MCTP1: variants seen among roughly 807,000 people sequenced by gnomAD.
MCTP1 encodes the protein multiple C2 and transmembrane domain containing 1, also known as multiple C2 and transmembrane domain-containing protein 1.
In MCTP1, 69 loss-of-function variants were observed where a neutral mutation model predicts 120.6. That is an observed-to-expected ratio of 0.57 (90% CI 0.47 to 0.70). The LOEUF (loss-of-function observed/expected upper bound fraction) is 0.70, where lower values mean the gene tolerates loss of function less well. Ranked by LOEUF, MCTP1 falls within the 30% of genes least tolerant of loss-of-function variation. MCTP1 has a pLI of 0.00. For synonymous variants in MCTP1, 529 were observed against 493.1 expected, an observed-to-expected ratio of 1.07 and a Z score of -0.96; for missense variants, 1,203 against 1,248.8, an observed-to-expected ratio of 0.96 and a Z score of 0.55.
At chr5:95,038,174 C>T (rs1057043777) in intron 1 of MCTP1, 2 of 954,062 alleles carry the variant, frequency 2.1e-6, no homozygotes, top group Middle Eastern at 5.4e-4. Context: ...GCAAGTTATT[C>T]CTTCCAGGTA....
rs766976181 is a variant in MCTP1 at position 94,894,615 on chromosome 5, T to A, written c.1839+34A>T. The A allele has an allele frequency of 8.2e-6, 12 of 1,469,414 alleles. No individual in the cohort carries two copies. The African/African-American group carries it at 1.2e-4, about 15-fold the overall frequency. 91.0% of individuals were successfully genotyped at this position (1,469,414 alleles called of 1,614,324 possible). Reference sequence around the variant, plus strand: ...TTGTTTACAACCTGATCTAGTCACATGTGTCTCTGGAAGGAGGAGGGTTAC... The same window carrying A: ...TTGTTTACAACCTGATCTAGTCACAAGTGTCTCTGGAAGGAGGAGGGTTAC... On this transcript the variant is annotated intron_variant, in intron 11 of 22. Transcript: ENST00000515393.
intron 1 of MCTP1, among the ~76,000 whole-genome samples, chr5:95,204,626 C>A (rs1228189623): frequency 6.6e-6 from 1 of 151,996 alleles, no homozygotes; most frequent in Non-Finnish European, 1.5e-5. Context: ...ATAGAAAACC[C>A]TAAGGAATCC....
intron 19 of MCTP1, among the ~76,000 whole-genome samples, chr5:94,739,003 A>G (rs1427556329): frequency 2.0e-5 from 3 of 152,222 alleles, no homozygotes; most frequent in African/African-American, 4.8e-5. Context: ...CTTCATGTCA[A>G]TGTATCTGCA....
chr5:95,226,158 T>C (rs1754238470), intron 1 of MCTP1, among the ~76,000 whole-genome samples: 1 of 151,958 alleles, frequency 6.6e-6, no homozygotes, highest in Admixed American at 6.6e-5. Flanking sequence ...TCCTCCCAAG[T>C]CCCCAAAGTC....
chr5:95,235,260 C>G (rs1176955408), intron 1 of MCTP1, among the ~76,000 whole-genome samples: 1 of 151,728 alleles, frequency 6.6e-6, no homozygotes, highest in Non-Finnish European at 1.5e-5. Context: ...GACAAAAAAT[C>G]AGCATTTATT....
At chr5:95,001,834 G>A (rs1003535809) in intron 2 of MCTP1, among the ~76,000 whole-genome samples, 8 of 152,294 alleles carry the variant, frequency 5.3e-5, no homozygotes, top group South Asian at 2.1e-4. Flanking sequence ...CAGAAGTAAC[G>A]AGGAGCCAAA....
intron 1 of MCTP1, among the ~76,000 whole-genome samples, chr5:95,136,653 C>G (rs1373487788): frequency 6.6e-6 from 1 of 152,130 alleles, no homozygotes; most frequent in East Asian, 1.9e-4. Context: ...GTGTCCGACT[C>G]TATGTTTTTA....
intron 1 of MCTP1, among the ~76,000 whole-genome samples, chr5:95,028,544 G>C (rs1161056133): frequency 6.6e-6 from 1 of 152,112 alleles, no homozygotes; most frequent in Non-Finnish European, 1.5e-5. Context: ...CTCACCCGTG[G>C]ATTGTCTGCT....
At chr5:95,123,430 G>A (rs537880) in intron 1 of MCTP1, among the ~76,000 whole-genome samples, 2 of 152,026 alleles carry the variant, frequency 1.3e-5, no homozygotes, top group African/African-American at 2.4e-5. Context: ...TGTCGCTGAG[G>A]ATCCATAATG....
chr5:94,814,555 T>C (rs1784104198), intron 17 of MCTP1, among the ~76,000 whole-genome samples: 1 of 152,166 alleles, frequency 6.6e-6, no homozygotes, highest in Non-Finnish European at 1.5e-5. Context: ...GGCAATATAA[T>C]GCTACCACCA....
At chr5:95,168,575 T>C (rs527677996) in intron 1 of MCTP1, among the ~76,000 whole-genome samples, 1 of 152,368 alleles carries the variant, frequency 6.6e-6, no homozygotes, top group South Asian at 2.1e-4. Flanking sequence ...TTTTATTTCG[T>C]TGAGCAGTGG....
intron 1 of MCTP1, among the ~76,000 whole-genome samples, chr5:95,054,539 G>T (rs1582053395): frequency 6.6e-6 from 1 of 152,108 alleles, no homozygotes; most frequent in Non-Finnish European, 1.5e-5. Context: ...ACCCACAGTG[G>T]TTCCCCTTCC....
intron 1 of MCTP1, among the ~76,000 whole-genome samples, chr5:95,193,377 T>C (rs1467502646): frequency 6.6e-6 from 1 of 152,230 alleles, no homozygotes; most frequent in Admixed American, 6.5e-5. Context: ...ATTTACAACA[T>C]ACTTTCATTT....
At chr5:95,119,894 C>A (rs149506017) in intron 1 of MCTP1, among the ~76,000 whole-genome samples, 1 of 151,880 alleles carries the variant, frequency 6.6e-6, no homozygotes, top group African/African-American at 2.4e-5. Flanking sequence ...TCCCAGCAGC[C>A]GGGCGCGGTG....
chr5:95,097,965 C>T (rs999322335), intron 1 of MCTP1, among the ~76,000 whole-genome samples: 2 of 152,062 alleles, frequency 1.3e-5, no homozygotes, highest in Non-Finnish European at 2.9e-5. Context: ...TACTAAGGAC[C>T]TCAGAGATAC....
In MCTP1 at chr5:94,790,455, A is replaced by G. The variant is rs576938131; in HGVS notation, c.2556+8558T>C. Among the ~76,000 whole-genome samples the G allele has an allele frequency of 1.7e-4, 26 of 152,336 alleles. No homozygotes were observed. The South Asian group carries it at 5.2e-3, about 30-fold the overall frequency. On this transcript the variant is annotated intron_variant, in intron 18 of 22. Coordinates refer to ENST00000515393, the MANE Select transcript of MCTP1 (RefSeq NM_024717.7). ...CGAGGGGAAATGCTGACTTGGCTCC[A>G]GTGCTAACCATTAGGGTTCATCATG...
intron 1 of MCTP1, among the ~76,000 whole-genome samples, chr5:95,134,992 C>CAAAAAA (rs70978170): frequency 1.1e-4 from 4 of 35,338 alleles, no homozygotes; most frequent in Non-Finnish European, 1.6e-4. Flanking sequence ...GCCTGATGGC[C>CAAAAAA]AAAAAAAAAA....
intron 1 of MCTP1, among the ~76,000 whole-genome samples, chr5:95,274,626 C>CTTTTTTTCTT (rs11283018): frequency 0.87 from 130,031 of 149,630 alleles, 56,814 homozygotes; most frequent in African/African-American, 0.97. Context: ...TTACTGCTTT[C>CTTTTTTTCTT]TTTTTTTCTT....
chr5:94,742,160 C>T (rs1231426649), intron 19 of MCTP1, among the ~76,000 whole-genome samples: 2 of 152,134 alleles, frequency 1.3e-5, no homozygotes, highest in African/African-American at 4.8e-5. Flanking sequence ...AACCCATCTA[C>T]TATAGCCCAA....
Sources: allele counts gnomAD v4.1 joint callset (sites outside exome capture counted in the v4.1 genomes callset), GRCh38; gene constraint gnomAD v4.1.1; transcripts MANE v1.5; gene names NCBI Gene and HGNC (gene_info 2026-07-23, HGNC 2026-07-21).